Variants in PATJ observed in about 807,000 individuals in gnomAD.
PATJ encodes the protein PATJ crumbs cell polarity complex component.
PATJ carries 190 observed loss-of-function variants against 224.9 expected under a neutral mutation model. The observed-to-expected ratio is 0.84, with a 90% CI of 0.75 to 0.95. The LOEUF (loss-of-function observed/expected upper bound fraction) is 0.95. Ranked by LOEUF, PATJ falls within the 40% of genes least tolerant of loss-of-function variation. The pLI, the probability that PATJ is intolerant of heterozygous loss-of-function variation, is 0.00. For synonymous variants in PATJ, 769 were observed against 820.3 expected (o/e 0.94, Z 1.07); for missense variants, 2,121 against 2,270.3 (o/e 0.93, Z 1.34).
At chr1:62,081,514 A>G (rs1659279747) in intron 32 of PATJ, among the ~76,000 whole-genome samples, 1 of 152,102 alleles carries the variant, frequency 6.6e-6, no homozygotes, top group Admixed American at 6.5e-5. Context: ...CTCTCTTCTC[A>G]CTCAGGAGAC....
intron 28 of PATJ, among the ~76,000 whole-genome samples, chr1:62,012,024 CAAA>C (rs552027685): frequency 1.7e-5 from 2 of 121,150 alleles, no homozygotes; most frequent in Admixed American, 8.5e-5. Context: ...GAACCTGTCT[CAAA>C]AAAAAAAAAA....
intron 14 of PATJ, among the ~76,000 whole-genome samples, chr1:61,809,369 G>A (rs779842050): frequency 1.3e-5 from 2 of 151,006 alleles, no homozygotes; most frequent in Non-Finnish European, 3.0e-5. Context: ...GTCACATGCA[G>A]TTTTAAGAAT....
intron 34 of PATJ, among the ~76,000 whole-genome samples, chr1:62,111,591 C>A (rs1233249793): frequency 1.3e-5 from 2 of 151,994 alleles, no homozygotes; most frequent in Non-Finnish European, 2.9e-5. Flanking sequence ...GTAATTTACA[C>A]AGGGTTTCAT....
chr1:62,106,480 T>G (rs536773270), intron 33 of PATJ, among the ~76,000 whole-genome samples: 1 of 151,686 alleles, frequency 6.6e-6, no homozygotes, highest in Non-Finnish European at 1.5e-5. Flanking sequence ...CAAAAAAAAT[T>G]TTTTAAGTTA....
At chr1:61,872,618 G>C (rs1045676522) in intron 20 of PATJ, among the ~76,000 whole-genome samples, 5 of 152,156 alleles carry the variant, frequency 3.3e-5, no homozygotes, top group African/African-American at 9.7e-5. Context: ...TCATTGTGCA[G>C]CCTTTGCTGA....
At chr1:62,135,677 C>G (rs1381873939) in intron 41 of PATJ, among the ~76,000 whole-genome samples, 1 of 152,120 alleles carries the variant, frequency 6.6e-6, no homozygotes. Context: ...AGTTTGAATC[C>G]TTTTACTAAA....
chr1:62,068,640 G>A (rs1656883791), intron 31 of PATJ, among the ~76,000 whole-genome samples: 1 of 152,154 alleles, frequency 6.6e-6, no homozygotes, highest in South Asian at 2.1e-4. Context: ...TCCAGCTTTG[G>A]GACAGAGATC....
chr1:61,941,559 G>A (rs1236748624), intron 27 of PATJ, among the ~76,000 whole-genome samples: 4 of 152,140 alleles, frequency 2.6e-5, no homozygotes, highest in South Asian at 2.1e-4. Context: ...GCTGAAGCAC[G>A]AGAATTGCTT....
intron 31 of PATJ, among the ~76,000 whole-genome samples, chr1:62,063,813 T>A (rs1030812061): frequency 2.6e-5 from 4 of 152,198 alleles, no homozygotes; most frequent in African/African-American, 7.2e-5. Flanking sequence ...TGAATGTTAT[T>A]GGTGTATAGA....
At chr1:61,959,426 T>TACA (rs371038532) in intron 27 of PATJ, among the ~76,000 whole-genome samples, 1 of 99,688 alleles carries the variant, frequency 1.0e-5, no homozygotes, top group African/African-American at 3.6e-5. Context: ...ATATAATATA[T>TACA]TTTTTTTCTT....
intron 16 of PATJ, among the ~76,000 whole-genome samples, chr1:61,828,405 T>G (rs1557718306): frequency 3.3e-5 from 5 of 151,680 alleles, no homozygotes; most frequent in African/African-American, 9.7e-5. Flanking sequence ...AAAAGAGTTT[T>G]TTTTTTTTTT....
At chr1:61,807,700 TA>T (rs1653875046) in intron 13 of PATJ, among the ~76,000 whole-genome samples, 1 of 152,204 alleles carries the variant, frequency 6.6e-6, no homozygotes, top group African/African-American at 2.4e-5. Context: ...CAATATTTCT[TA>T]TTTTGTTAAA....
intron 26 of PATJ, among the ~76,000 whole-genome samples, chr1:61,916,179 G>A (rs1282212972): frequency 6.6e-6 from 1 of 151,658 alleles, no homozygotes; most frequent in Non-Finnish European, 1.5e-5. Context: ...ATAATCTAGT[G>A]GAGAATACTG....
intron 18 of PATJ, among the ~76,000 whole-genome samples, chr1:61,856,644 A>C (rs533424422): frequency 6.6e-6 from 1 of 152,182 alleles, no homozygotes; most frequent in Non-Finnish European, 1.5e-5. Flanking sequence ...GCTGGAGTGC[A>C]GTGGCACGAT....
chr1:61,902,377 CTGT>C (rs1472596974), intron 24 of PATJ, among the ~76,000 whole-genome samples: 1 of 151,878 alleles, frequency 6.6e-6, no homozygotes, highest in Admixed American at 6.6e-5. Context: ...ATGATGCTAA[CTGT>C]TAATCATGGT....
chr1:61,896,732 G>A (rs1249939118), intron 22 of PATJ, among the ~76,000 whole-genome samples: 2 of 152,116 alleles, frequency 1.3e-5, no homozygotes, highest in African/African-American at 4.8e-5. Flanking sequence ...GGATCATGGG[G>A]GAAGTTTTCA....
At chr1:61,883,428 TA>T (rs1442394205) in intron 21 of PATJ, among the ~76,000 whole-genome samples, 4 of 152,104 alleles carry the variant, frequency 2.6e-5, no homozygotes, top group Middle Eastern at 3.2e-3. Context: ...CTTTTCTTTC[TA>T]ACTCATAGTT....
chr1:61,753,724 G>A (rs957582498), intron 1 of PATJ, among the ~76,000 whole-genome samples: 1 of 151,766 alleles, frequency 6.6e-6, no homozygotes, highest in African/African-American at 2.4e-5. Context: ...TGGCCAGGCT[G>A]GTCTCGAACT....
chr1:61,869,097 ATTTTTTTT>A lies in PATJ; in HGVS notation c.2835+4477_2835+4484del, dbSNP rs113334846. Among the ~76,000 whole-genome samples, 25 of 125,534 alleles carry A rather than the reference ATTTTTTTT, an allele frequency of 2.0e-4. 1 individual carries two copies. The highest frequency in any genetic ancestry group is 7.8e-4 in the African/African-American group (25 of 31,988). The allele number at this position is 125,534 out of a possible 152,430, so 82.4% of individuals were successfully genotyped here. A position where few individuals can be genotyped will look rare whatever the true frequency, so the allele number is the denominator to read the frequency against. On this transcript the variant is annotated intron_variant, in intron 20 of 43. Coordinates refer to ENST00000642238, the MANE Select transcript of PATJ (RefSeq NM_001350145.3). Reference sequence around the variant, plus strand: ...TTTTAGGAGAACAAATGGAAATAACATTTTTTTTTTTTTTTTTTTTCTTTTTTGAGACG... The same window carrying A: ...TTTTAGGAGAACAAATGGAAATAACATTTTTTTTTTTTCTTTTTTGAGACG...
Sources: gnomAD v4.1 joint callset for allele counts (sites outside exome capture counted in the v4.1 genomes callset) on GRCh38, gnomAD v4.1.1 for gene constraint, MANE v1.5 for transcripts, NCBI Gene and HGNC (gene_info 2026-07-23, HGNC 2026-07-21) for gene names.